TENM2: variants seen among roughly 807,000 people sequenced by gnomAD.
TENM2 encodes the protein teneurin-2.
TENM2 carries 52 observed loss-of-function variants against 245.2 expected under a neutral mutation model. The observed-to-expected ratio is 0.21, with a 90% CI of 0.17 to 0.27. TENM2 has a LOEUF of 0.27. Among genes scored for constraint, TENM2 ranks in the 10% least tolerant of loss-of-function variants. The pLI is 1.00. For synonymous variants in TENM2, 1,363 were observed against 1,438.9 expected (o/e 0.95, Z 1.19); for missense variants, 3,046 against 3,666.8 (o/e 0.83, Z 4.37).
chr5:168,139,013 T>A (rs1755304719), intron 12 of TENM2, among the ~76,000 whole-genome samples: 1 of 152,242 alleles, frequency 6.6e-6, no homozygotes, highest in Non-Finnish European at 1.5e-5. Flanking sequence ...GACACCCTTC[T>A]CACTGTTTCT....
intron 2 of TENM2, among the ~76,000 whole-genome samples, chr5:167,611,145 G>T (rs1287288258): frequency 6.6e-6 from 1 of 152,034 alleles, no homozygotes; most frequent in Non-Finnish European, 1.5e-5. Flanking sequence ...TCACTTTTCG[G>T]ATTCTACTTT....
intron 2 of TENM2, among the ~76,000 whole-genome samples, chr5:167,786,541 T>A (rs1334467519): frequency 1.3e-5 from 2 of 152,238 alleles, no homozygotes; most frequent in Admixed American, 1.3e-4. Flanking sequence ...TTGAATCTCA[T>A]TGAATAACTT....
chr5:168,140,171 T>C (rs1181884165), intron 12 of TENM2, among the ~76,000 whole-genome samples: 3 of 152,200 alleles, frequency 2.0e-5, no homozygotes, highest in African/African-American at 7.2e-5. Context: ...GGTGATACTT[T>C]GCACTTGCAT....
At chr5:167,008,951 C>G in the TENM2 span, among the ~76,000 whole-genome samples, 1 of 152,184 alleles carries the variant, frequency 6.6e-6, no homozygotes, top group African/African-American at 2.4e-5. Context: ...GTCCCACTTA[C>G]AGCTTTGTGC....
chr5:167,943,904 C>T (rs1490795634), intron 3 of TENM2, among the ~76,000 whole-genome samples: 5 of 152,150 alleles, frequency 3.3e-5, no homozygotes, highest in South Asian at 2.1e-4. Flanking sequence ...TACTGAAATG[C>T]TCAGATAGGC....
At chr5:167,544,386 G>C (rs1582343939) in intron 2 of TENM2, among the ~76,000 whole-genome samples, 1 of 152,074 alleles carries the variant, frequency 6.6e-6, no homozygotes. Context: ...AAATCACGCG[G>C]TGCCATTTAG....
chr5:168,178,138 G>C (rs928580938), intron 13 of TENM2, among the ~76,000 whole-genome samples: 2 of 152,100 alleles, frequency 1.3e-5, no homozygotes, highest in African/African-American at 4.8e-5. Flanking sequence ...CCCCTCAGGC[G>C]GAAAGTAACT....
chr5:168,253,429 A>ATTTTT (rs752953865), intron 27 of TENM2, among the ~76,000 whole-genome samples: 1 of 131,596 alleles, frequency 7.6e-6, no homozygotes, highest in African/African-American at 2.9e-5. Context: ...TCATTATTTT[A>ATTTTT]TTTTTTTTTT....
rs537074458 is a variant in TENM2, at chr5:167,895,158, C to T, written c.712+18963C>T. ...ACTTTCTATTAGAATAGAGGCTTTA[C>T]TTCTCAAAGTTATTTGACCAGAGAG... On this transcript the variant is annotated intron_variant, in intron 3 of 28. Transcript: ENST00000518659. 5.9e-5 allele frequency among the ~76,000 whole-genome samples: 9 copies of T among 152,254 alleles called. No individual in the cohort carries two copies. In the South Asian group the frequency reaches 1.5e-3, roughly 25 times the overall value.
At chr5:167,835,720 TA>T (rs374900386) in intron 2 of TENM2, among the ~76,000 whole-genome samples, 40 of 146,494 alleles carry the variant, frequency 2.7e-4, no homozygotes, top group East Asian at 9.8e-4. Flanking sequence ...ATATAGTAAC[TA>T]AAAAAAAAAA....
the TENM2 span, among the ~76,000 whole-genome samples, chr5:167,244,439 T>C: frequency 1.3e-5 from 2 of 152,200 alleles, no homozygotes; most frequent in Admixed American, 1.3e-4. Context: ...GCATCAACAA[T>C]GTGGAAATGC....
chr5:167,995,122 C>G (rs1197306570), intron 5 of TENM2, among the ~76,000 whole-genome samples: 1 of 152,162 alleles, frequency 6.6e-6, no homozygotes, highest in Non-Finnish European at 1.5e-5. Context: ...TGAGGTACTG[C>G]CTGCCTCTGC....
intron 4 of TENM2, among the ~76,000 whole-genome samples, chr5:167,980,733 A>G (rs889068): frequency 0.54 from 82,478 of 151,952 alleles, 25,451 homozygotes; most frequent in East Asian, 0.93. Context: ...AAAGAGGGAG[A>G]CCTCTTTAAA....
the TENM2 span, among the ~76,000 whole-genome samples, chr5:167,012,049 T>C: frequency 2.6e-5 from 4 of 152,164 alleles, no homozygotes; most frequent in African/African-American, 7.2e-5. Context: ...TCGGTAACCA[T>C]AAAATGAAAA....
At chr5:167,754,591 A>C (rs377581483) in intron 2 of TENM2, among the ~76,000 whole-genome samples, 8 of 152,082 alleles carry the variant, frequency 5.3e-5, no homozygotes, top group African/African-American at 1.9e-4. Flanking sequence ...CAGAGCAGAG[A>C]TGTGTCAGCA....
At chr5:167,031,564 A>G in the TENM2 span, among the ~76,000 whole-genome samples, 2 of 152,130 alleles carry the variant, frequency 1.3e-5, no homozygotes, top group East Asian at 3.9e-4. Context: ...ATTCTGTTGC[A>G]TATTTGAGGT....
intron 15 of TENM2, 33 bp from the exon 18 acceptor site, chr5:168,198,820 A>G (rs1761686368): frequency 6.2e-7 from 1 of 1,603,554 alleles, no homozygotes; most frequent in South Asian, 1.1e-5. Context: ...AAGTGAGTCT[A>G]CCCCCTCATC....
chr5:167,345,287 A>G (rs1411566965), intron 1 of TENM2, among the ~76,000 whole-genome samples: 1 of 152,208 alleles, frequency 6.6e-6, no homozygotes, highest in African/African-American at 2.4e-5. Context: ...TCCTCTCTCC[A>G]TTCGGCTTTA....
At chr5:167,061,353 G>C in the TENM2 span, among the ~76,000 whole-genome samples, 2 of 152,184 alleles carry the variant, frequency 1.3e-5, no homozygotes, top group African/African-American at 4.8e-5. Flanking sequence ...ACCTTGCTCA[G>C]ATCGCACTCA....
Sources: gnomAD v4.1 joint callset for allele counts (sites outside exome capture counted in the v4.1 genomes callset) on GRCh38, gnomAD v4.1.1 for gene constraint, MANE v1.5 for transcripts, NCBI Gene and HGNC (gene_info 2026-07-23, HGNC 2026-07-21) for gene names.